EPC1: variants seen among roughly 807,000 people sequenced by gnomAD.
EPC1 encodes enhancer of polycomb 1, also known as enhancer of polycomb homolog 1.
EPC1 carries 12 observed loss-of-function variants against 98.4 expected under a neutral mutation model. That is an observed-to-expected ratio of 0.12 (90% CI 0.08 to 0.20). The LOEUF is 0.20. Among genes scored for constraint, EPC1 ranks in the 10% least tolerant of loss-of-function variants. The pLI, the probability that EPC1 is intolerant of heterozygous loss-of-function variation, is 1.00. For synonymous variants in EPC1, 357 were observed against 363.9 expected, an observed-to-expected ratio of 0.98 and a Z score of 0.21; for missense variants, 729 against 990.5, an observed-to-expected ratio of 0.74 and a Z score of 3.54.
At chr10:32,290,151 TC>T (rs144765333) in intron 6 of EPC1, among the ~76,000 whole-genome samples, 1,780 of 152,058 alleles carry the variant, frequency 0.012, 37 homozygotes, top group African/African-American at 0.041. Context: ...ATATCAAAAT[TC>T]CCTCTTATAC....
intron 1 of EPC1, among the ~76,000 whole-genome samples, chr10:32,369,197 G>A (rs567976973): frequency 5.5e-4 from 84 of 152,254 alleles, no homozygotes; most frequent in African/African-American, 1.9e-3. Context: ...ATTGTTCTAC[G>A]AGACAATGTG....
rs369162980 is a variant in EPC1, at chr10:32,359,181, C to A, written c.3+19310G>T. ...TCCAATCAAGTTATCCATCTAATTA[C>A]TCAAGTCTGCCAAATAAACTTTGAA... On this transcript the variant is annotated intron_variant, in intron 1 of 13. Transcript: ENST00000375110. Among the ~76,000 whole-genome samples, 10 of 152,252 alleles carry A rather than the reference C, an allele frequency of 6.6e-5. No individual in the cohort carries two copies. The East Asian group carries it at 1.9e-3, about 29-fold the overall frequency.
intron 2 of EPC1, among the ~76,000 whole-genome samples, chr10:32,296,547 G>C (rs2132757851): frequency 6.6e-6 from 1 of 152,264 alleles, no homozygotes; most frequent in East Asian, 1.9e-4. Flanking sequence ...CATTAACAAG[G>C]ACCTGAGTGT....
intron 13 of EPC1, among the ~76,000 whole-genome samples, chr10:32,271,321 C>T (rs1835832735): frequency 6.6e-6 from 1 of 152,048 alleles, no homozygotes; most frequent in South Asian, 2.1e-4. Context: ...AAGGGATGTT[C>T]CAAATCATAT....
intron 1 of EPC1, among the ~76,000 whole-genome samples, chr10:32,315,807 C>A (rs1203842082): frequency 6.6e-6 from 1 of 152,210 alleles, no homozygotes; most frequent in Non-Finnish European, 1.5e-5. Flanking sequence ...TGGTTCCCTG[C>A]CTGCACCTTC....
chr10:32,349,220 A>G (rs1486130945), upstream of EPC1, among the ~76,000 whole-genome samples: 1 of 152,254 alleles, frequency 6.6e-6, no homozygotes, highest in Non-Finnish European at 1.5e-5. Flanking sequence ...AGATTTTAAG[A>G]ACAAAATAGA....
chr10:32,369,756 G>A (rs907861821), intron 1 of EPC1, among the ~76,000 whole-genome samples: 3 of 152,190 alleles, frequency 2.0e-5, no homozygotes, highest in African/African-American at 7.2e-5. Flanking sequence ...CTAAGTTTAT[G>A]TGTATTATTG....
intron 2 of EPC1, among the ~76,000 whole-genome samples, chr10:32,293,972 GC>G (rs1258369728): frequency 3.4e-4 from 51 of 152,154 alleles, no homozygotes; most frequent in Non-Finnish European, 5.9e-4. Flanking sequence ...GACAATGGAT[GC>G]GACACCCTCC....
rs1309410893 is a variant in EPC1, at chr10:32,378,498, G to A, written c.-5C>T. 16 of 1,546,758 alleles carry A rather than the reference G, an allele frequency of 1.0e-5. No individual in the cohort carries two copies. The East Asian group carries it at 3.2e-4, about 31-fold the overall frequency. On this transcript the variant is annotated 5_prime_UTR_variant, in exon 1 of 14. Coordinates refer to the EPC1 transcript ENST00000375110. ...TGAAAATTACAAACTTACCATTAGT[G>A]CAGGCAAAGAAGACGGCAGTTCTTG...
intron 1 of EPC1, among the ~76,000 whole-genome samples, chr10:32,307,934 ATAT>A (rs1335115104): frequency 2.6e-5 from 4 of 152,238 alleles, no homozygotes; most frequent in African/African-American, 9.6e-5. Flanking sequence ...GTAGGTGAAC[ATAT>A]AAGTTAGATG....
At chr10:32,378,121 T>G (rs1400757503) in intron 1 of EPC1, among the ~76,000 whole-genome samples, 2 of 152,174 alleles carry the variant, frequency 1.3e-5, no homozygotes, top group Non-Finnish European at 2.9e-5. Context: ...ATCCATAGTT[T>G]GCCTGCTGAT....
intron 1 of EPC1, among the ~76,000 whole-genome samples, chr10:32,371,311 A>G (rs1839742182): frequency 2.0e-5 from 3 of 152,142 alleles, no homozygotes. Context: ...AGCTAAATAT[A>G]GGTCATTGGC....
At chr10:32,293,506 C>A in intron 3 of EPC1, 86 bp downstream of exon 3, 2 of 1,289,310 alleles carry the variant, frequency 1.6e-6, no homozygotes, top group Non-Finnish European at 2.1e-6. Flanking sequence ...TGATTACCCC[C>A]AACCTGCAAT....
At chr10:32,338,916 C>G (rs907206882) in intron 1 of EPC1, among the ~76,000 whole-genome samples, 7 of 146,722 alleles carry the variant, frequency 4.8e-5, no homozygotes, top group Admixed American at 4.1e-4. Context: ...CCAGCCTGGG[C>G]AACAGAGGGA....
At chr10:32,305,969 T>G (rs752938608) in intron 1 of EPC1, 38 bp from the exon 2 acceptor site, 1 of 1,564,824 alleles carries the variant, frequency 6.4e-7, no homozygotes, top group Non-Finnish European at 8.6e-7. Context: ...CATGTATTTT[T>G]AAAAAGCAGT....
intron 8 of EPC1, 42 bp from the exon 9 acceptor site, chr10:32,286,884 A>G: frequency 6.2e-7 from 1 of 1,610,598 alleles, no homozygotes; most frequent in Non-Finnish European, 8.5e-7. Context: ...TGTCAGTTAA[A>G]GGTAAATAGT....
At chr10:32,364,022 T>TTTTTTTTTTTTTTTTTG in intron 1 of EPC1, among the ~76,000 whole-genome samples, 1 of 135,340 alleles carries the variant, frequency 7.4e-6, no homozygotes. Flanking sequence ...TTTTTTTTTT[T>TTTTTTTTTTTTTTTTTG]TTTTTTTTTT....
chr10:32,319,696 G>A (rs927483453), intron 1 of EPC1, among the ~76,000 whole-genome samples: 1 of 152,022 alleles, frequency 6.6e-6, no homozygotes, highest in African/African-American at 2.4e-5. Context: ...TTTTCTTTGA[G>A]ACAGAGTCTT....
At chr10:32,345,950 G>A (rs1223683440) in intron 1 of EPC1, among the ~76,000 whole-genome samples, 1 of 152,152 alleles carries the variant, frequency 6.6e-6, no homozygotes, top group Non-Finnish European at 1.5e-5. Context: ...GGCTTCAGAA[G>A]AGAGAGGTAC....
Sources: gnomAD v4.1 joint callset for allele counts (sites outside exome capture counted in the v4.1 genomes callset) on GRCh38, gnomAD v4.1.1 for gene constraint, MANE v1.5 for transcripts, NCBI Gene and HGNC (gene_info 2026-07-23, HGNC 2026-07-21) for gene names.